EWSR1: variants seen among roughly 807,000 people sequenced by gnomAD.
The protein encoded by EWSR1 is EWS RNA binding protein 1, also known as RNA-binding protein EWS.
EWSR1 carries 14 observed loss-of-function variants against 92.1 expected under a neutral mutation model. The observed-to-expected ratio is 0.15, with a 90% CI of 0.10 to 0.24. EWSR1 has a LOEUF of 0.24. Among genes scored for constraint, EWSR1 ranks in the 10% least tolerant of loss-of-function variants. The pLI, the probability that EWSR1 is intolerant of heterozygous loss-of-function variation, is 1.00. For synonymous variants in EWSR1, 303 were observed against 292.9 expected, an observed-to-expected ratio of 1.03 and a Z score of -0.35; for missense variants, 637 against 870.9, an observed-to-expected ratio of 0.73 and a Z score of 3.38.
intron 6 of EWSR1, among the ~76,000 whole-genome samples, chr22:29,286,029 G>T (rs562497964): frequency 6.6e-6 from 1 of 151,928 alleles, no homozygotes. Context: ...TAGTAGAGAT[G>T]GGGGTTTCAC....
chr22:29,291,719 T>A, intron 9 of EWSR1, 120 bp downstream of exon 9: 1 of 889,768 alleles, frequency 1.1e-6, no homozygotes, highest in Non-Finnish European at 1.7e-6. Flanking sequence ...CAAAAGAGAC[T>A]AATGGGTACT....
chr22:29,289,256 G>A (rs2060268627), intron 8 of EWSR1: 1 of 233,146 alleles, frequency 4.3e-6, no homozygotes. Context: ...TTGAACATAT[G>A]AAGATTTTGG....
intron 4 of EWSR1, chr22:29,276,631 C>CT (rs200136478): frequency 9.8e-4 from 220 of 224,050 alleles, no homozygotes; most frequent in Middle Eastern, 4.0e-3. Flanking sequence ...GAGATGTAGA[C>CT]TTTTTTTTTG....
intron 12 of EWSR1, among the ~76,000 whole-genome samples, chr22:29,296,632 C>G (rs564976518): frequency 6.6e-6 from 1 of 152,228 alleles, no homozygotes; most frequent in East Asian, 1.9e-4. Flanking sequence ...TACAGAAAAC[C>G]CTTCAAAAGA....
At chr22:29,299,566 C>T in intron 15 of EWSR1, 33 bp from the exon 16 acceptor site, 1 of 1,555,412 alleles carries the variant, frequency 6.4e-7, no homozygotes, top group Non-Finnish European at 8.7e-7. Context: ...CAGCCACCCA[C>T]TGACTGCTTT....
At position 29,299,246 on chromosome 22, in the gene EWSR1, C is replaced by T; in HGVS notation, c.1593C>T (p.Asn531=). ...TAATTGTATGCAGGGGTTGTGGAAA[C>T]CAGAACTTCGCCTGGAGAACAGAGT... ...DWQCPNPGCG[N]QNFAWRTECN... Residue 531 remains asparagine, a synonymous_variant, in exon 15 of 17, where the codon AAC becomes AAT. Transcript: ENST00000397938. 1.9e-6 allele frequency: 3 copies of T among 1,614,088 alleles called. No homozygotes were observed. The highest frequency in any genetic ancestry group is 1.6e-4 in the Middle Eastern group (1 of 6,062).
intron 4 of EWSR1, chr22:29,275,902 T>C (rs1407755244): frequency 4.3e-6 from 1 of 231,482 alleles, no homozygotes; most frequent in Non-Finnish European, 8.5e-6. Context: ...GTTTTCTTTT[T>C]TTGCCACTGG....
chr22:29,279,424 C>T (rs752005954), intron 5 of EWSR1, among the ~76,000 whole-genome samples: 12 of 152,178 alleles, frequency 7.9e-5, no homozygotes, highest in Non-Finnish European at 1.8e-4. Flanking sequence ...TGTATAGAGG[C>T]TTAATCTAAA....
At chr22:29,268,467 ACCCGCCGCGG>A (rs1378285923) in intron 1 of EWSR1, 118 bp downstream of exon 1, 1 of 1,532,476 alleles carries the variant, frequency 6.5e-7, no homozygotes, top group East Asian at 2.3e-5. Flanking sequence ...GGGTTGAGGC[ACCCGCCGCGG>A]CCCGACGAGC....
chr22:29,299,114 A>T, intron 14 of EWSR1, 120 bp from the exon 15 acceptor site: 1 of 1,571,768 alleles, frequency 6.4e-7, no homozygotes, highest in South Asian at 1.2e-5. Context: ...GCTGTGCCCT[A>T]AAGCATGGGT....
intron 11 of EWSR1, 152 bp from the exon 12 acceptor site, chr22:29,296,087 T>C (rs2060837393): frequency 3.8e-6 from 3 of 797,576 alleles, no homozygotes; most frequent in South Asian, 1.9e-5. Context: ...GAAAATAACT[T>C]AGAATTCTGA....
intron 6 of EWSR1, among the ~76,000 whole-genome samples, chr22:29,286,160 G>T (rs1054227089): frequency 6.9e-6 from 1 of 143,916 alleles, no homozygotes; most frequent in Non-Finnish European, 1.5e-5. Context: ...GTTTTTTTTT[G>T]GAGACGGAAT....
rs547676146 is a variant in EWSR1, at chr22:29,288,943, T to C, written c.974+157T>C. The C allele has an allele frequency of 7.2e-6, 5 of 698,308 alleles. No homozygotes were observed. In the East Asian group the frequency reaches 1.6e-4, roughly 22 times the overall value. The allele number at this position is 698,308 out of a possible 1,614,324, so 43.3% of individuals were successfully genotyped here. ...CTTCTAAAACATGGAAATGTCATCT[T>C]TGTGGCATATATTAAGTGGCAGTTT... On this transcript the variant is annotated intron_variant, in intron 8 of 16. Coordinates refer to ENST00000397938, the MANE Select transcript of EWSR1 (RefSeq NM_005243.4).
intron 5 of EWSR1, among the ~76,000 whole-genome samples, chr22:29,278,644 G>A (rs2059313504): frequency 1.3e-5 from 2 of 152,170 alleles, no homozygotes; most frequent in African/African-American, 4.8e-5. Flanking sequence ...CTAACACGGT[G>A]AAACCCCGGC....
At chr22:29,291,921 G>T (rs1032561331) in intron 9 of EWSR1, 4 of 592,450 alleles carry the variant, frequency 6.8e-6, no homozygotes, top group Non-Finnish European at 1.2e-5. Flanking sequence ...TTTGGTTAAT[G>T]GTTTAGAAGC....
chr22:29,272,737 T>C (rs899149217), intron 3 of EWSR1, among the ~76,000 whole-genome samples: 5 of 152,214 alleles, frequency 3.3e-5, no homozygotes, highest in Non-Finnish European at 7.3e-5. Context: ...ATCATAGCAA[T>C]TCTGCAAAGG....
rs189488022 is a variant in EWSR1, at chr22:29,296,250, A to G, written c.1176A>G (p.Arg392=). The change falls in exon 12 of 17, where the codon AGA becomes AGG. Residue 392 remains arginine (R), a synonymous_variant. Coordinates refer to ENST00000397938, the MANE Select transcript of EWSR1 (RefSeq NM_005243.4). ...KQCGVVKMNK[R]TGQPMIHIYL... ...TATTCTTTGTCTAGATGAACAAGAG[A>G]ACTGGGCAACCCATGATCCACATCT... is the stretch of plus-strand genomic sequence containing the variant. 4.5e-5 allele frequency: 72 copies of G among 1,614,084 alleles called. No homozygotes were observed. The Admixed American group carries it at 9.2e-4, about 21-fold the overall frequency.
intron 11 of EWSR1, among the ~76,000 whole-genome samples, chr22:29,292,963 G>A (rs971378932): frequency 2.6e-5 from 4 of 151,698 alleles, no homozygotes; most frequent in South Asian, 2.1e-4. Context: ...TTGGGCAGGC[G>A]GGTCTCAAAC....
At chr22:29,293,941 A>C (rs1378933064) in intron 11 of EWSR1, among the ~76,000 whole-genome samples, 2 of 152,006 alleles carry the variant, frequency 1.3e-5, no homozygotes, top group East Asian at 3.9e-4. Context: ...GCAGTGGCGC[A>C]GTCTTGGTTT....
Sources: allele counts gnomAD v4.1 joint callset (sites outside exome capture counted in the v4.1 genomes callset), GRCh38; gene constraint gnomAD v4.1.1; transcripts MANE v1.5; gene names NCBI Gene and HGNC (gene_info 2026-07-23, HGNC 2026-07-21).